The following ERBB4 variants were observed in gnomAD, a reference collection of about 807,000 sequenced individuals.
ERBB4 encodes the protein receptor tyrosine-protein kinase erbB-4.
ERBB4 carries 42 observed loss-of-function variants against 158.0 expected under a neutral mutation model. The ratio of observed to expected loss-of-function variants is 0.27; its 90% CI spans 0.21 to 0.34. The LOEUF (loss-of-function observed/expected upper bound fraction) is 0.34. ERBB4 is among the 10% of genes least tolerant of loss of function. The probability of loss-of-function intolerance (pLI) is 1.00; values close to 1 mark genes in which losing one functional copy is unlikely to be tolerated. For synonymous variants in ERBB4, 583 were observed against 558.7 expected (o/e 1.04, Z -0.61); for missense variants, 1,333 against 1,624.1 (o/e 0.82, Z 3.08).
intron 19 of ERBB4, among the ~76,000 whole-genome samples, chr2:211,580,819 ATATAT>A (rs2068058286): frequency 4.9e-5 from 2 of 40,560 alleles, no homozygotes; most frequent in African/African-American, 9.3e-5. Flanking sequence ...TATAATATAT[ATATAT>A]TATATATATA....
intron 1 of ERBB4, among the ~76,000 whole-genome samples, chr2:212,151,037 T>C (rs559063486): frequency 3.3e-5 from 5 of 152,208 alleles, no homozygotes; most frequent in African/African-American, 1.2e-4. Flanking sequence ...ATCAAGTCTA[T>C]GTTAAATACA....
At chr2:212,510,328 T>C (rs1483195024) in intron 1 of ERBB4, among the ~76,000 whole-genome samples, 1 of 151,078 alleles carries the variant, frequency 6.6e-6, no homozygotes, top group East Asian at 1.9e-4. Context: ...GGCTACATGT[T>C]TATATAAACT....
chr2:211,586,565 A>G (rs12694245), intron 19 of ERBB4, among the ~76,000 whole-genome samples: 133,366 of 152,154 alleles, frequency 0.88, 58,566 homozygotes, highest in Admixed American at 0.92. Flanking sequence ...ACTTCTGCCC[A>G]TACGCAATCC....
intron 4 of ERBB4, among the ~76,000 whole-genome samples, chr2:211,783,476 G>T (rs868419265): frequency 6.6e-6 from 1 of 152,072 alleles, no homozygotes; most frequent in African/African-American, 2.4e-5. Context: ...CCAGTTTTTG[G>T]CCATTCAGTA....
intron 4 of ERBB4, among the ~76,000 whole-genome samples, chr2:211,759,249 A>T (rs541787613): frequency 2.4e-4 from 36 of 152,200 alleles, no homozygotes; most frequent in Non-Finnish European, 4.9e-4. Context: ...TCATTGTAAT[A>T]CAAACCACTA....
At chr2:212,192,040 ATATATATGTTATATGT>A (rs1469780682) in intron 1 of ERBB4, among the ~76,000 whole-genome samples, 1 of 10,820 alleles carries the variant, frequency 9.2e-5, no homozygotes, top group East Asian at 2.8e-3. Flanking sequence ...GTTATATGTT[ATATATATGTTATATGT>A]TATATATGTT....
chr2:212,136,387 A>G (rs1206375058), intron 1 of ERBB4, among the ~76,000 whole-genome samples: 1 of 152,202 alleles, frequency 6.6e-6, no homozygotes, highest in Non-Finnish European at 1.5e-5. Context: ...ATCAGCTTAC[A>G]CTAGAAACGG....
chr2:212,276,223 T>C (rs1484181286), intron 1 of ERBB4, among the ~76,000 whole-genome samples: 1 of 151,754 alleles, frequency 6.6e-6, no homozygotes, highest in Non-Finnish European at 1.5e-5. Flanking sequence ...GCCTAGAACA[T>C]AGTAGTCAAA....
At chr2:211,669,966 C>T (rs1306463041) in intron 14 of ERBB4, among the ~76,000 whole-genome samples, 1 of 152,084 alleles carries the variant, frequency 6.6e-6, no homozygotes, top group Non-Finnish European at 1.5e-5. Flanking sequence ...GTTTGGTAAA[C>T]ATAAGTATAT....
intron 2 of ERBB4, among the ~76,000 whole-genome samples, chr2:212,035,713 GTCTTCAGAA>G (rs1437050280): frequency 6.6e-6 from 1 of 152,082 alleles, no homozygotes; most frequent in African/African-American, 2.4e-5. Flanking sequence ...ATGCTGTTTT[GTCTTCAGAA>G]TCTTCAGAAT....
At chr2:211,657,586 G>T in intron 16 of ERBB4, 168 bp downstream of exon 16, 1 of 650,968 alleles carries the variant, frequency 1.5e-6, no homozygotes. Flanking sequence ...AAAGAAGTAA[G>T]AAAGTTGGCT....
intron 1 of ERBB4, among the ~76,000 whole-genome samples, chr2:212,368,582 A>C (rs1468363048): frequency 6.6e-6 from 1 of 152,120 alleles, no homozygotes; most frequent in Non-Finnish European, 1.5e-5. Context: ...TGGAAAAAAA[A>C]AGACTCTTAA....
chr2:211,557,492 A>C (rs115042961), intron 20 of ERBB4, among the ~76,000 whole-genome samples: 1,701 of 152,294 alleles, frequency 0.011, 37 homozygotes, highest in African/African-American at 0.039. Flanking sequence ...TCGTACACGC[A>C]ACCAGCAAGC....
chr2:212,462,667 G>C (rs1213317733), intron 1 of ERBB4, among the ~76,000 whole-genome samples: 1 of 152,174 alleles, frequency 6.6e-6, no homozygotes, highest in East Asian at 1.9e-4. Flanking sequence ...ATATAAATTA[G>C]TACAGGCATT....
At chr2:211,859,030 C>G (rs1044655940) in intron 3 of ERBB4, among the ~76,000 whole-genome samples, 1 of 152,154 alleles carries the variant, frequency 6.6e-6, no homozygotes, top group Non-Finnish European at 1.5e-5. Context: ...GATTCACCTG[C>G]CTCAGCCTCA....
At chr2:211,410,733 AT>A (rs1180842110) in intron 25 of ERBB4, among the ~76,000 whole-genome samples, 9 of 152,194 alleles carry the variant, frequency 5.9e-5, no homozygotes, top group Non-Finnish European at 1.3e-4. Flanking sequence ...TTTGTTTGTA[AT>A]TCCTAAAGAC....
chr2:211,715,924 T>A (rs1039666836), intron 7 of ERBB4, among the ~76,000 whole-genome samples: 2 of 152,226 alleles, frequency 1.3e-5, no homozygotes, highest in Admixed American at 6.5e-5. Flanking sequence ...CTTTCACATT[T>A]CTGCCGAATG....
intron 1 of ERBB4, among the ~76,000 whole-genome samples, chr2:212,208,402 A>G (rs2082830478): frequency 6.6e-6 from 1 of 152,134 alleles, no homozygotes; most frequent in African/African-American, 2.4e-5. Flanking sequence ...TATATAATAT[A>G]CTTATCTATC....
At chr2:212,063,757 C>A (rs1352196274) in intron 2 of ERBB4, among the ~76,000 whole-genome samples, 4 of 152,062 alleles carry the variant, frequency 2.6e-5, no homozygotes, top group African/African-American at 7.2e-5. Context: ...ACTATCATAG[C>A]AAAATCGTAT....
Sources: gnomAD v4.1 joint callset for allele counts (sites outside exome capture counted in the v4.1 genomes callset) on GRCh38, gnomAD v4.1.1 for gene constraint, MANE v1.5 for transcripts, NCBI Gene and HGNC (gene_info 2026-07-23, HGNC 2026-07-21) for gene names.